The following BMPR1B variants were observed in gnomAD, a reference collection of about 807,000 sequenced individuals.
BMPR1B encodes the protein bone morphogenetic protein receptor type 1B.
BMPR1B carries 12 observed loss-of-function variants against 59.1 expected under a neutral mutation model. The ratio of observed to expected loss-of-function variants is 0.20; its 90% CI spans 0.13 to 0.33. BMPR1B has a LOEUF of 0.33. BMPR1B is among the 10% of genes least tolerant of loss of function. The pLI is 1.00. For missense variants in BMPR1B, 550 were observed against 610.9 expected (o/e 0.90, Z 1.05); for synonymous variants, 237 against 207.3 (o/e 1.14, Z -1.23).
intron 2 of BMPR1B, among the ~76,000 whole-genome samples, chr4:94,990,578 A>G (rs561267382): frequency 6.6e-6 from 1 of 152,358 alleles, no homozygotes; most frequent in Non-Finnish European, 1.5e-5. Context: ...TTGATGAGGA[A>G]ACTAAGTCAC....
At chr4:94,982,134 A>G (rs1721117076) in intron 2 of BMPR1B, among the ~76,000 whole-genome samples, 1 of 152,222 alleles carries the variant, frequency 6.6e-6, no homozygotes, top group Non-Finnish European at 1.5e-5. Flanking sequence ...ATAAAAAACA[A>G]TGAATCTGAG....
In BMPR1B at chr4:94,765,717, A is replaced by G. The variant is rs540122198; in HGVS notation, c.-183+7649A>G. Among the ~76,000 whole-genome samples the G allele has an allele frequency of 3.1e-4, 47 of 152,340 alleles. No homozygotes were observed. The South Asian group carries it at 9.1e-3, about 30-fold the overall frequency. The stretch of plus-strand genomic sequence containing the variant: ...ATGAAAAATTGGGGTTTGAGGTAAT[A>G]TGAGCTATTCGACTAATCCAGATAA... On this transcript the variant is annotated intron_variant, in intron 1 of 12. Coordinates refer to ENST00000515059, the MANE Select transcript of BMPR1B (RefSeq NM_001203.3).
At position 95,096,077 on chromosome 4, in the gene BMPR1B, G is replaced by A. The variant is rs138879658; in HGVS notation, c.-17-8331G>A. ...TTTTTTCTGCAAAAATCACGTATAT[G>A]AGTATATAATAATATAAAATAATAT... On this transcript the variant is annotated intron_variant, in intron 3 of 12. Coordinates refer to ENST00000515059, the MANE Select transcript of BMPR1B (RefSeq NM_001203.3). Among the ~76,000 whole-genome samples the A allele has an allele frequency of 4.9e-3, 736 of 150,112 alleles. 2 individuals carry two copies. Among genetic ancestry groups the A allele is most frequent in the African/African-American group, 0.017 (681 of 41,208 alleles).
intron 4 of BMPR1B, among the ~76,000 whole-genome samples, chr4:95,107,651 T>G (rs578064402): frequency 2.0e-5 from 3 of 152,226 alleles, no homozygotes; most frequent in Admixed American, 1.3e-4. Context: ...TAGCACTATC[T>G]ATGTTTGCTA....
At chr4:94,891,185 T>C (rs1486078170) in intron 2 of BMPR1B, among the ~76,000 whole-genome samples, 2 of 152,080 alleles carry the variant, frequency 1.3e-5, no homozygotes, top group African/African-American at 2.4e-5. Flanking sequence ...ACTTAATAGC[T>C]TGTTTGGTAA....
intron 2 of BMPR1B, among the ~76,000 whole-genome samples, chr4:94,890,088 A>G (rs1727331485): frequency 6.6e-6 from 1 of 152,040 alleles, no homozygotes; most frequent in Non-Finnish European, 1.5e-5. Flanking sequence ...TCGTGAATAG[A>G]GCCTTTCCAA....
In BMPR1B at chr4:95,104,500, C is replaced by T. The variant is rs758706811; in HGVS notation, c.76C>T (p.Arg26Cys). ...TGGTGAGAGTACAGCCCCCACCCCCCGTCCAAAGGTCTTGCGTTGTAAATG... is the reference window on the plus strand; with the variant it reads ...TGGTGAGAGTACAGCCCCCACCCCCTGTCCAAAGGTCTTGCGTTGTAAATG... ...EDGESTAPTPRPKVLRCKCHH... is the reference protein window; with the variant it reads ...EDGESTAPTPCPKVLRCKCHH... The change falls in exon 4 of 13, where the codon CGT (arginine) becomes TGT (cysteine). Residue 26 changes from arginine to cysteine, a missense_variant. Transcript: ENST00000515059. The T allele has an allele frequency of 6.8e-6, 11 of 1,613,356 alleles. No individual in the cohort carries two copies. The highest frequency in any genetic ancestry group is 3.3e-5 in the Admixed American group (2 of 59,894).
intron 2 of BMPR1B, among the ~76,000 whole-genome samples, chr4:94,911,307 A>G (rs1728264626): frequency 6.6e-6 from 1 of 152,158 alleles, no homozygotes; most frequent in South Asian, 2.1e-4. Context: ...AGCAATTATT[A>G]ACTTTATCTA....
chr4:94,934,502 A>G (rs1272999107), intron 2 of BMPR1B, among the ~76,000 whole-genome samples: 1 of 139,286 alleles, frequency 7.2e-6, no homozygotes, highest in Non-Finnish European at 1.5e-5. Flanking sequence ...TCTCTCAGGA[A>G]CAAATGGCAG....
intron 1 of BMPR1B, among the ~76,000 whole-genome samples, chr4:94,816,198 G>A (rs925613362): frequency 6.6e-6 from 1 of 152,182 alleles, no homozygotes; most frequent in Non-Finnish European, 1.5e-5. Context: ...CTAGGCTGGA[G>A]TGCAGTGGCA....
At chr4:95,040,188 A>G (rs1725554520) in intron 3 of BMPR1B, among the ~76,000 whole-genome samples, 1 of 152,128 alleles carries the variant, frequency 6.6e-6, no homozygotes, top group South Asian at 2.1e-4. Context: ...TTCATATGTA[A>G]TTCTTATATT....
rs201783533 is a variant in BMPR1B, at chr4:94,902,088, G to GTGTGTGTGTGTGT, written c.-113+26188_-113+26189insTGTGTGTGTGTGT. Among the ~76,000 whole-genome samples, 318 of 119,846 alleles carry GTGTGTGTGTGTGT rather than the reference G, an allele frequency of 2.7e-3. 9 individuals are homozygous for GTGTGTGTGTGTGT. Among genetic ancestry groups the GTGTGTGTGTGTGT allele is most frequent in the African/African-American group, 0.01 (291 of 28,964 alleles). The allele number at this position is 119,846 out of a possible 152,430, so 78.6% of individuals were successfully genotyped here. On this transcript the variant is annotated intron_variant, in intron 2 of 12. Transcript: ENST00000515059. ...GTGTGTGTGTGTGTGTGTGTGTGTG[G>GTGTGTGTGTGTGT]GGTGTATTTAAAGGAAACAACTTGA...
chr4:95,012,462 C>A (rs1172270385), intron 3 of BMPR1B, among the ~76,000 whole-genome samples: 2 of 152,044 alleles, frequency 1.3e-5, no homozygotes, highest in Non-Finnish European at 2.9e-5. Context: ...ATTATTATTT[C>A]AATATGTTGT....
chr4:94,855,435 G>A lies in BMPR1B; in HGVS notation c.-182-20396G>A, dbSNP rs991651033. Among the ~76,000 whole-genome samples, 5 of 152,144 alleles carry A rather than the reference G, an allele frequency of 3.3e-5. 1 individual carries two copies. The highest frequency in any genetic ancestry group is 3.3e-4 in the Admixed American group (5 of 15,266). ...ACAGCATTTGCTCTAAATTGCACTG[G>A]TGTGCCGATGACTCTTTTCAGATGT... On this transcript the variant is annotated intron_variant, in intron 1 of 12. Coordinates refer to ENST00000515059, the MANE Select transcript of BMPR1B (RefSeq NM_001203.3).
chr4:94,830,342 C>G (rs981961248), intron 1 of BMPR1B, among the ~76,000 whole-genome samples: 3 of 152,084 alleles, frequency 2.0e-5, no homozygotes, highest in African/African-American at 7.2e-5. Context: ...CATTTATACA[C>G]TTTGCTATAC....
chr4:94,779,972 A>G (rs967740843), intron 1 of BMPR1B, among the ~76,000 whole-genome samples: 2 of 151,980 alleles, frequency 1.3e-5, no homozygotes, highest in Non-Finnish European at 1.5e-5. Context: ...CCTTCCCTTA[A>G]TCTCTATGTT....
At chr4:95,018,531 C>A (rs921043992) in intron 3 of BMPR1B, among the ~76,000 whole-genome samples, 2 of 152,078 alleles carry the variant, frequency 1.3e-5, no homozygotes, top group Non-Finnish European at 2.9e-5. Flanking sequence ...TATTAACTAC[C>A]ACAGATCTGT....
intron 3 of BMPR1B, among the ~76,000 whole-genome samples, chr4:95,011,000 CT>C (rs572643952): frequency 1.1e-3 from 170 of 152,168 alleles, no homozygotes; most frequent in African/African-American, 3.8e-3. Context: ...TTATTTCTCT[CT>C]TTTTTTGTGA....
intron 3 of BMPR1B, chr4:95,103,633 A>G (rs1410803759): frequency 2.8e-6 from 1 of 363,524 alleles, no homozygotes; most frequent in Admixed American, 6.5e-5. Context: ...TCACAAGATT[A>G]TTTATAAAGT....
Sources: allele counts gnomAD v4.1 joint callset (sites outside exome capture counted in the v4.1 genomes callset), GRCh38; gene constraint gnomAD v4.1.1; transcripts MANE v1.5; gene names NCBI Gene and HGNC (gene_info 2026-07-23, HGNC 2026-07-21).